The following IL1RAPL2 variants were observed in gnomAD, a reference collection of about 807,000 sequenced individuals.
IL1RAPL2 encodes X-linked interleukin-1 receptor accessory protein-like 2.
IL1RAPL2 carries 3 observed loss-of-function variants against 44.1 expected under a neutral mutation model. The observed-to-expected ratio is 0.07, with a 90% CI of 0.03 to 0.18. IL1RAPL2 has a LOEUF of 0.18. Ranked by LOEUF, IL1RAPL2 falls within the 10% of genes least tolerant of loss-of-function variation. IL1RAPL2 has a pLI of 1.00. For missense variants in IL1RAPL2, 391 were observed against 496.4 expected (o/e 0.79, Z 2.02); for synonymous variants, 181 against 178.8 (o/e 1.01, Z -0.10).
chrX:105,513,554 G>T (rs1216664454), intron 6 of IL1RAPL2, among the ~76,000 whole-genome samples: 1 of 112,102 alleles, frequency 8.9e-6, no homozygotes, highest in Non-Finnish European at 1.9e-5. Flanking sequence ...TTTGTTGGCT[G>T]TATAAATGTC....
intron 2 of IL1RAPL2, among the ~76,000 whole-genome samples, chrX:104,720,563 G>A (rs1478547360): frequency 1.8e-5 from 2 of 111,289 alleles, no homozygotes; most frequent in African/African-American, 6.5e-5. Flanking sequence ...GCTACTAGCT[G>A]GGCACATACC....
chrX:105,640,658 A>ATG (rs2037558066), intron 6 of IL1RAPL2, among the ~76,000 whole-genome samples: 1 of 42,911 alleles, frequency 2.3e-5, no homozygotes, highest in Non-Finnish European at 3.7e-5. Context: ...GTGTGTGTAT[A>ATG]TATATATATA....
chrX:104,893,625 T>A (rs1444804877), intron 2 of IL1RAPL2, among the ~76,000 whole-genome samples: 1 of 111,488 alleles, frequency 9.0e-6, no homozygotes, highest in Non-Finnish European at 1.9e-5. Flanking sequence ...CCTTTTTTTG[T>A]TTTCCATTTG....
At chrX:105,697,186 A>G (rs1473324397) in intron 6 of IL1RAPL2, among the ~76,000 whole-genome samples, 1 of 110,319 alleles carries the variant, frequency 9.1e-6, no homozygotes, top group Admixed American at 9.7e-5. Context: ...TCATGACACA[A>G]GCAACTCCCA....
At chrX:104,898,079 C>T (rs1354768610) in intron 2 of IL1RAPL2, among the ~76,000 whole-genome samples, 2 of 111,543 alleles carry the variant, frequency 1.8e-5, no homozygotes, top group East Asian at 2.8e-4. Flanking sequence ...GTATCATTGA[C>T]GGAGAGATTG....
chrX:105,523,494 A>G (rs991401276), intron 6 of IL1RAPL2, among the ~76,000 whole-genome samples: 1 of 112,049 alleles, frequency 8.9e-6, no homozygotes, highest in Admixed American at 9.5e-5. Context: ...GTGTTTAAAT[A>G]ATAATAAATT....
intron 1 of IL1RAPL2, among the ~76,000 whole-genome samples, chrX:104,657,003 C>T (rs1468736042): frequency 4.2e-4 from 46 of 109,026 alleles, no homozygotes; most frequent in Non-Finnish European, 6.5e-4. Flanking sequence ...GCAACCCCTG[C>T]TTTTTTTTTG....
chrX:105,403,469 T>C lies in IL1RAPL2; in HGVS notation c.698-80844T>C, dbSNP rs189905300. Among the ~76,000 whole-genome samples, 4 of 111,564 alleles carry C rather than the reference T, an allele frequency of 3.6e-5. No homozygotes were observed. In the East Asian group the frequency reaches 1.1e-3, roughly 32 times the overall value. The stretch of plus-strand genomic sequence containing the variant: ...TGTTGTGTTAACATCTTGAATCTAG[T>C]CTCAGGGAAGCTGTTTTATGAGATT... On this transcript the variant is annotated intron_variant, in intron 5 of 10. Coordinates refer to ENST00000372582, the MANE Select transcript of IL1RAPL2 (RefSeq NM_017416.2).
rs751949259 is a variant in IL1RAPL2 at position 104,614,399 on chromosome X, G to A, written c.-19-44496G>A. ...GTATTTCATTGTATTCCAAGAGTAT[G>A]ATTTTATTTTTTGAAGTTATTGAGA... On this transcript the variant is annotated intron_variant, in intron 1 of 10. Transcript: ENST00000372582. Among the ~76,000 whole-genome samples the A allele has an allele frequency of 9.8e-5, 11 of 111,931 alleles. No individual in the cohort carries two copies. The East Asian group carries it at 2.8e-3, about 29-fold the overall frequency.
intron 2 of IL1RAPL2, among the ~76,000 whole-genome samples, chrX:104,677,102 A>T (rs906145350): frequency 8.9e-6 from 1 of 112,135 alleles, no homozygotes; most frequent in African/African-American, 3.2e-5. Flanking sequence ...CAGCTCGTCA[A>T]AGTCATTCTC....
chrX:105,698,807 C>T (rs2038097320), intron 6 of IL1RAPL2, among the ~76,000 whole-genome samples: 1 of 111,993 alleles, frequency 8.9e-6, no homozygotes. Flanking sequence ...CCAAATTTGA[C>T]AGCAATTCTC....
chrX:105,002,861 C>G (rs755358602), intron 2 of IL1RAPL2, among the ~76,000 whole-genome samples: 2 of 111,367 alleles, frequency 1.8e-5, no homozygotes, highest in South Asian at 7.4e-4. Context: ...TGATCTAATT[C>G]TGTAAACACC....
At chrX:105,591,257 G>A (rs2037169201) in intron 6 of IL1RAPL2, among the ~76,000 whole-genome samples, 1 of 108,434 alleles carries the variant, frequency 9.2e-6, no homozygotes, top group Admixed American at 9.9e-5. Flanking sequence ...AGGGTTGGTG[G>A]TAATGTTTCC....
chrX:105,748,829 G>A (rs2038572126), intron 8 of IL1RAPL2, 131 bp from the exon 9 acceptor site: 2 of 526,991 alleles, frequency 3.8e-6, no homozygotes, highest in East Asian at 3.6e-5. Context: ...CAAGAGCAAA[G>A]CTACTGCATT....
chrX:105,509,343 G>A (rs1384721838), intron 6 of IL1RAPL2, among the ~76,000 whole-genome samples: 1 of 111,317 alleles, frequency 9.0e-6, no homozygotes, highest in African/African-American at 3.3e-5. Context: ...GAACTTACGA[G>A]AAAGGTCGAC....
At chrX:105,569,017 A>G (rs1379452550) in intron 6 of IL1RAPL2, among the ~76,000 whole-genome samples, 1 of 111,520 alleles carries the variant, frequency 9.0e-6, no homozygotes, top group Non-Finnish European at 1.9e-5. Flanking sequence ...TCAAGAAAGT[A>G]ATGTGTATAT....
At chrX:105,496,444 GAATCATGC>G (rs1462205822) in intron 6 of IL1RAPL2, among the ~76,000 whole-genome samples, 1 of 112,440 alleles carries the variant, frequency 8.9e-6, no homozygotes, top group Non-Finnish European at 1.9e-5. Flanking sequence ...GAAAGAAAGA[GAATCATGC>G]TAACTTTACA....
intron 2 of IL1RAPL2, among the ~76,000 whole-genome samples, chrX:104,817,067 G>A (rs1448060400): frequency 8.8e-6 from 1 of 113,018 alleles, no homozygotes; most frequent in Non-Finnish European, 1.9e-5. Context: ...AGTATGGACA[G>A]CTATGTAGAA....
chrX:104,774,493 A>G (rs1022502687), intron 2 of IL1RAPL2, among the ~76,000 whole-genome samples: 1 of 111,837 alleles, frequency 8.9e-6, no homozygotes, highest in African/African-American at 3.3e-5. Flanking sequence ...ACTCCTATTT[A>G]TAAATGATAC....
Sources: allele counts gnomAD v4.1 joint callset (sites outside exome capture counted in the v4.1 genomes callset), GRCh38; gene constraint gnomAD v4.1.1; transcripts MANE v1.5; gene names NCBI Gene and HGNC (gene_info 2026-07-23, HGNC 2026-07-21).